Variants in PTP4A2 observed in about 807,000 individuals in gnomAD.
The protein encoded by PTP4A2 is protein tyrosine phosphatase 4A2.
A neutral mutation model predicts 22.9 loss-of-function variants in PTP4A2; 2 were observed. The observed-to-expected ratio is 0.09, with a 90% CI of 0.04 to 0.27. The LOEUF (loss-of-function observed/expected upper bound fraction) is 0.27, where lower values mean the gene tolerates loss of function less well. Among genes scored for constraint, PTP4A2 ranks in the 10% least tolerant of loss-of-function variants. PTP4A2 has a pLI of 1.00. For missense variants in PTP4A2, 103 were observed against 205.1 expected (o/e 0.50, Z 3.04); for synonymous variants, 68 against 69.1 (o/e 0.98, Z 0.08).
At chr1:31,928,606 A>G (rs1340890293) in intron 1 of PTP4A2, among the ~76,000 whole-genome samples, 7 of 149,820 alleles carry the variant, frequency 4.7e-5, no homozygotes, top group Non-Finnish European at 8.9e-5. Flanking sequence ...CTGAAGCAGG[A>G]GAATTGCTTG....
intron 3 of PTP4A2, among the ~76,000 whole-genome samples, chr1:31,913,257 A>G (rs761029789): frequency 1.3e-5 from 2 of 152,188 alleles, no homozygotes; most frequent in Non-Finnish European, 2.9e-5. Flanking sequence ...ACCTAGCAAA[A>G]TTAGATTAAC....
At chr1:31,914,023 T>C (rs1396311951) in intron 3 of PTP4A2, 2 of 384,192 alleles carry the variant, frequency 5.2e-6, no homozygotes, top group Non-Finnish European at 1.0e-5. Context: ...TAAAGTCATT[T>C]AGAAATTTGA....
At position 31,906,635 on chromosome 1, in the gene PTP4A2, T is replaced by TA. The variant is rs1172846140; in HGVS notation, c.*2216dup. 6.6e-6 allele frequency: 1 copy of TA among 152,130 alleles called. No individual in the cohort carries two copies. The highest frequency in any genetic ancestry group is 1.5e-5 in the Non-Finnish European group (1 of 68,024). The allele number at this position is 152,130 out of a possible 1,614,324, so 9.4% of individuals were successfully genotyped here. ...TTAGTCTTTAAAATAAAAGGAGGGC[T>TA]AATGTTTCATGTTGCTTTATACATC... On this transcript the variant is annotated 3_prime_UTR_variant, in exon 6 of 6. Transcript: ENST00000647444.
intron 1 of PTP4A2, chr1:31,932,784 A>T (rs1236468086): frequency 6.6e-6 from 1 of 152,122 alleles, no homozygotes; most frequent in East Asian, 1.9e-4. Flanking sequence ...TTGAGCCTAG[A>T]CCTCTACCAC....
At chr1:31,936,388 C>T (rs750907547) in intron 1 of PTP4A2, among the ~76,000 whole-genome samples, 4 of 151,492 alleles carry the variant, frequency 2.6e-5, no homozygotes, top group South Asian at 2.1e-4. Context: ...ACAAACAGAG[C>T]GAGACTCCAT....
intron 1 of PTP4A2, among the ~76,000 whole-genome samples, chr1:31,937,032 CT>C (rs1280751967): frequency 6.6e-6 from 1 of 152,120 alleles, no homozygotes; most frequent in African/African-American, 2.4e-5. Context: ...CAATAAAATA[CT>C]CTTCACCTGA....
chr1:31,922,603 T>TTCC (rs1652220973), intron 1 of PTP4A2, among the ~76,000 whole-genome samples: 1 of 100,202 alleles, frequency 1.0e-5, no homozygotes, highest in African/African-American at 6.2e-5. Context: ...TCTTTCTTTC[T>TTCC]TTCTTTCTTT....
At chr1:31,918,702 T>C (rs186822667) in intron 2 of PTP4A2, among the ~76,000 whole-genome samples, 1 of 152,328 alleles carries the variant, frequency 6.6e-6, no homozygotes, top group East Asian at 1.9e-4. Flanking sequence ...GGTCAATAAA[T>C]GTTAATTATC....
intron 3 of PTP4A2, among the ~76,000 whole-genome samples, chr1:31,912,684 C>A (rs1038373515): frequency 1.3e-5 from 2 of 152,116 alleles, no homozygotes; most frequent in African/African-American, 4.8e-5. Context: ...TCCCTCCTGC[C>A]ATCTAAGCTT....
chr1:31,911,343 T>C (rs1277272070), intron 4 of PTP4A2: 2 of 163,894 alleles, frequency 1.2e-5, no homozygotes, highest in Non-Finnish European at 2.6e-5. Flanking sequence ...ATCTGCTATC[T>C]ATTAACTTCC....
chr1:31,922,571 C>G (rs1273070225), intron 1 of PTP4A2, among the ~76,000 whole-genome samples: 2 of 151,730 alleles, frequency 1.3e-5, no homozygotes, highest in African/African-American at 4.8e-5. Context: ...AGCTTAAGAA[C>G]AAAAACCCAG....
intron 1 of PTP4A2, among the ~76,000 whole-genome samples, chr1:31,928,817 T>C (rs1385397341): frequency 1.3e-5 from 2 of 152,108 alleles, no homozygotes; most frequent in Non-Finnish European, 2.9e-5. Context: ...CAATAATCAG[T>C]TCTATAAAAA....
At chr1:31,915,786 C>T in intron 3 of PTP4A2, 109 bp downstream of exon 3, 1 of 702,544 alleles carries the variant, frequency 1.4e-6, no homozygotes, top group African/African-American at 1.8e-5. Context: ...GTGATCTTCC[C>T]ACAATATTGG....
chr1:31,930,271 C>G (rs1452979873), intron 1 of PTP4A2, among the ~76,000 whole-genome samples: 1 of 151,966 alleles, frequency 6.6e-6, no homozygotes, highest in Non-Finnish European at 1.5e-5. Context: ...CCCGGGGGGG[C>G]GGAACCTGCA....
At chr1:31,914,658 A>C (rs1651732411) in intron 3 of PTP4A2, among the ~76,000 whole-genome samples, 1 of 152,166 alleles carries the variant, frequency 6.6e-6, no homozygotes, top group Non-Finnish European at 1.5e-5. Context: ...CAATCAAACC[A>C]ACAGCTCAAA....
rs1312735773 is a variant in PTP4A2 at position 31,911,755 on chromosome 1, G to A, written c.261C>T (p.Thr87=). The A allele has an allele frequency of 2.5e-6, 4 of 1,605,726 alleles. No individual in the cohort carries two copies. The highest frequency in any genetic ancestry group is 3.4e-6 in the Non-Finnish European group (4 of 1,176,766). Residue 87 remains threonine (T), a synonymous_variant, in exon 4 of 6, where the codon ACC becomes ACT. Transcript: ENST00000647444. ...AGCAACCTGGCTCTTCACGAAATTT[G>A]GTTTTTAACAGGTTTAACCAATCAT... The part of the protein sequence containing the change: ...IVDDWLNLLK[T]KFREEPGCCV...
Position 31,907,583 on chromosome 1 carries a change from CAAAA to C in PTP4A2, c.*1265_*1268del, listed in dbSNP as rs1651248464. On this transcript the variant is annotated 3_prime_UTR_variant, in exon 6 of 6. Coordinates refer to ENST00000647444, the MANE Select transcript of PTP4A2 (RefSeq NM_080391.4). ...ACCAGGGATTTTTTTTTTTTAATCT[CAAAA>C]AACCTAGTAATAACAAGGCAATCAG... 3 of 151,198 alleles carry C rather than the reference CAAAA, an allele frequency of 2.0e-5. No individual in the cohort carries two copies. The South Asian group carries it at 6.3e-4, about 32-fold the overall frequency. 9.4% of individuals were successfully genotyped at this position (151,198 alleles called of 1,614,324 possible). A position where few individuals can be genotyped will look rare whatever the true frequency, so the allele number is the denominator to read the frequency against.
rs374901139 is a variant in PTP4A2, at chr1:31,922,244, T to G, written c.-593-2586A>C. 2.2e-3 allele frequency among the ~76,000 whole-genome samples: 334 copies of G among 152,318 alleles called. 1 individual carries two copies. In the South Asian group the frequency reaches 0.024, roughly 11 times the overall value. On this transcript the variant is annotated intron_variant, in intron 1 of 5. Transcript: ENST00000647444. Reference sequence around the variant, plus strand: ...TCACGCCTGTATCTCAGCACTTTGGTAGGCCAAGGCAGGCAGATCACCTGA... The same window carrying G: ...TCACGCCTGTATCTCAGCACTTTGGGAGGCCAAGGCAGGCAGATCACCTGA...
At chr1:31,913,408 AT>A in intron 3 of PTP4A2, among the ~76,000 whole-genome samples, 1 of 152,154 alleles carries the variant, frequency 6.6e-6, no homozygotes, top group South Asian at 2.1e-4. Context: ...TTAATGACTT[AT>A]TTTCCTCTGG....
Sources: allele counts gnomAD v4.1 joint callset (sites outside exome capture counted in the v4.1 genomes callset), GRCh38; gene constraint gnomAD v4.1.1; transcripts MANE v1.5; gene names NCBI Gene and HGNC (gene_info 2026-07-23, HGNC 2026-07-21).